The following KALRN variants were observed in gnomAD, a reference collection of about 807,000 sequenced individuals.
The protein encoded by KALRN is kalirin RhoGEF kinase.
A neutral mutation model predicts 353.7 loss-of-function variants in KALRN; 70 were observed. The ratio of observed to expected loss-of-function variants is 0.20; its 90% CI spans 0.16 to 0.24. The LOEUF is 0.24. KALRN is among the 10% of genes least tolerant of loss of function. The probability of loss-of-function intolerance (pLI) is 1.00; values close to 1 mark genes in which losing one functional copy is unlikely to be tolerated. For missense variants in KALRN, 2,791 were observed against 3,756.7 expected (o/e 0.74, Z 6.72); for synonymous variants, 1,391 against 1,434.8 (o/e 0.97, Z 0.69).
rs1193327605 is a variant in KALRN, at chr3:124,657,475, G to A, written c.5890G>A (p.Gly1964Ser). The change falls in exon 40 of 60, where the codon GGT (glycine) becomes AGT (serine). Residue 1964 changes from glycine (G) to serine (S), a missense_variant. Gly to Ser is a moderately conservative substitution (Grantham distance 56). Around this residue, in one of 11 missense-constraint regions of KALRN, gnomAD observed 1,065 missense variants for 1,156.4 expected, o/e 0.92. Coordinates refer to ENST00000682506, the MANE Select transcript of KALRN (RefSeq NM_001388419.1). ...CTTCATGAAGAGAATAGAAGAAAAG[G>A]GTGTCCCTGAGGATATGCGAGGAAA... ...EGFMKRIEEK[G>S]VPEDMRGKDK... is the part of the protein sequence containing the mutation. 6 of 1,613,874 alleles carry A rather than the reference G, an allele frequency of 3.7e-6. 1 individual carries two copies. The Admixed American group carries it at 8.3e-5, about 22-fold the overall frequency.
intron 3 of KALRN, among the ~76,000 whole-genome samples, chr3:124,260,705 G>C (rs749504885): frequency 1.1e-4 from 16 of 152,072 alleles, no homozygotes; most frequent in Non-Finnish European, 1.3e-4. Flanking sequence ...TGGGGTGGAG[G>C]GGGTGGGGTG....
At position 124,720,947 on chromosome 3, in the gene KALRN, G is replaced by T. The variant is rs2063344529; in HGVS notation, c.*1477G>T. The stretch of plus-strand genomic sequence containing the variant: ...ATTATACAAGTAAGATTTTAAAAAT[G>T]TAACTCAAGTGTTTGTTCAAATCAG... On this transcript the variant is annotated 3_prime_UTR_variant, in exon 60 of 60. Transcript: ENST00000682506. The T allele has an allele frequency of 6.6e-6, 1 of 152,158 alleles. No homozygotes were observed. Among genetic ancestry groups the T allele is most frequent in the African/African-American group, 2.4e-5 (1 of 41,444 alleles). 9.4% of individuals were successfully genotyped at this position (152,158 alleles called of 1,614,324 possible). A position where few individuals can be genotyped will look rare whatever the true frequency, so the allele number is the denominator to read the frequency against.
chr3:124,697,939 G>A (rs2062131623), intron 55 of KALRN, among the ~76,000 whole-genome samples: 1 of 152,124 alleles, frequency 6.6e-6, no homozygotes, highest in Admixed American at 6.5e-5. Context: ...TGGGATTACA[G>A]GCATGAGCCA....
intron 15 of KALRN, among the ~76,000 whole-genome samples, chr3:124,425,005 C>G (rs1489460662): frequency 6.6e-6 from 1 of 152,128 alleles, no homozygotes; most frequent in African/African-American, 2.4e-5. Context: ...GAAATAGAAG[C>G]CCTCCAACAT....
At chr3:124,586,197 C>T (rs2075163073) in intron 34 of KALRN, among the ~76,000 whole-genome samples, 1 of 152,092 alleles carries the variant, frequency 6.6e-6, no homozygotes, top group Non-Finnish European at 1.5e-5. Context: ...GATTCAGAAA[C>T]ATTCAAAACC....
chr3:124,484,885 CT>C (rs1561096780), intron 28 of KALRN, among the ~76,000 whole-genome samples: 2 of 152,206 alleles, frequency 1.3e-5, no homozygotes, highest in Non-Finnish European at 2.9e-5. Flanking sequence ...AGATGGATTG[CT>C]TGAGGTCAAG....
Position 124,657,753 on chromosome 3 carries a change from G to C in KALRN, c.5986G>C (p.Glu1996Gln). The change falls in exon 41 of 60, where the codon GAA (glutamate) becomes CAA (glutamine). Residue 1996 changes from glutamate (E) to glutamine (Q), a missense_variant. Around this residue, in one of 11 missense-constraint regions of KALRN, gnomAD observed 1,065 missense variants for 1,156.4 expected, o/e 0.92. Transcript: ENST00000682506. ...WHKDFFLAEL[E>Q]KCIQEQDRLA... ...TTTTAGTTTTTTCCTGGCGGAACTG[G>C]AAAAGTGTATCCAGGAGCAAGACAG... 6.2e-7 allele frequency: 1 copy of C among 1,613,822 alleles called. No homozygotes were observed. Among genetic ancestry groups the C allele is most frequent in the East Asian group, 2.2e-5 (1 of 44,880 alleles).
intron 33 of KALRN, among the ~76,000 whole-genome samples, chr3:124,527,971 A>G (rs6802830): frequency 0.069 from 10,532 of 152,292 alleles, 422 homozygotes; most frequent in Middle Eastern, 0.1. Flanking sequence ...CCAAGAATTC[A>G]TACTATTCAT....
chr3:124,667,411 C>T (rs1480931631), intron 47 of KALRN, among the ~76,000 whole-genome samples: 1 of 152,180 alleles, frequency 6.6e-6, no homozygotes, highest in Non-Finnish European at 1.5e-5. Context: ...AGAGATTTCA[C>T]TTATAGGACA....
intron 33 of KALRN, among the ~76,000 whole-genome samples, chr3:124,541,026 G>A (rs2068970125): frequency 6.6e-6 from 1 of 152,064 alleles, no homozygotes; most frequent in Admixed American, 6.5e-5. Flanking sequence ...TGTTCTGTGA[G>A]GGAGTGGAAC....
At chr3:124,393,566 A>G (rs948339719) in intron 11 of KALRN, among the ~76,000 whole-genome samples, 3 of 152,200 alleles carry the variant, frequency 2.0e-5, no homozygotes, top group Non-Finnish European at 2.9e-5. Flanking sequence ...AAGCTGATAA[A>G]TGTGAGGGAT....
intron 1 of KALRN, chr3:124,099,538 G>C (rs1022389278): frequency 6.6e-6 from 1 of 152,190 alleles, no homozygotes; most frequent in Non-Finnish European, 1.5e-5. Context: ...GGTATCCCTT[G>C]ATATACTGAT....
At chr3:124,122,956 A>G (rs2064195635) in intron 1 of KALRN, among the ~76,000 whole-genome samples, 2 of 152,134 alleles carry the variant, frequency 1.3e-5, no homozygotes, top group African/African-American at 2.4e-5. Context: ...TAATCCCAGC[A>G]CTTTGGGAGG....
At chr3:124,311,064 C>CCT (rs2078204901) in intron 6 of KALRN, among the ~76,000 whole-genome samples, 2 of 67,500 alleles carry the variant, frequency 3.0e-5, no homozygotes, top group African/African-American at 1.2e-4. Flanking sequence ...GATACTACTT[C>CCT]TTTTTTTTTT....
chr3:124,270,541 T>C (rs2074024135), intron 5 of KALRN, among the ~76,000 whole-genome samples: 1 of 150,052 alleles, frequency 6.7e-6, no homozygotes, highest in Admixed American at 6.6e-5. Flanking sequence ...TTTTAATGCA[T>C]ATCACTTTTT....
At chr3:124,169,137 T>C (rs1352211203) in intron 1 of KALRN, among the ~76,000 whole-genome samples, 1 of 152,212 alleles carries the variant, frequency 6.6e-6, no homozygotes, top group African/African-American at 2.4e-5. Flanking sequence ...AGGGATGTTC[T>C]AGGAATGAAT....
intron 2 of KALRN, among the ~76,000 whole-genome samples, chr3:124,233,204 A>C (rs183950568): frequency 6.6e-6 from 1 of 152,170 alleles, no homozygotes; most frequent in Admixed American, 6.5e-5. Context: ...AACAACAGCT[A>C]TGGTAAAACA....
intron 5 of KALRN, among the ~76,000 whole-genome samples, chr3:124,286,750 C>A (rs2075950740): frequency 6.6e-6 from 1 of 152,104 alleles, no homozygotes; most frequent in African/African-American, 2.4e-5. Flanking sequence ...TGTCCCTTCC[C>A]CCCATTTTTT....
intron 51 of KALRN, among the ~76,000 whole-genome samples, chr3:124,681,739 C>T (rs1391897573): frequency 3.3e-5 from 5 of 150,888 alleles, no homozygotes; most frequent in African/African-American, 1.2e-4. Context: ...AAGGGATCCT[C>T]CCGCCTCAGC....
Sources: allele counts gnomAD v4.1 joint callset (sites outside exome capture counted in the v4.1 genomes callset), GRCh38; gene constraint gnomAD v4.1.1; regional missense constraint gnomAD v4.1.1; transcripts MANE v1.5; gene names NCBI Gene and HGNC (gene_info 2026-07-23, HGNC 2026-07-21).